Variants in DNAH6 observed in about 807,000 individuals in gnomAD.
The protein encoded by DNAH6 is axonemal beta dynein heavy chain 6.
In DNAH6, 340 loss-of-function variants were observed where a neutral mutation model predicts 491.4. The observed-to-expected ratio is 0.69, with a 90% confidence interval of 0.63 to 0.76. The LOEUF is 0.76. DNAH6 is among the 30% of genes least tolerant of loss of function. The pLI, the probability that DNAH6 is intolerant of heterozygous loss-of-function variation, is 0.00. For missense variants in DNAH6, 4,443 were observed against 4,972.2 expected (o/e 0.89, Z 3.20); for synonymous variants, 1,603 against 1,686.1 (o/e 0.95, Z 1.21).
rs1210744688 is a variant in DNAH6, at chr2:84,611,789, C to A, written c.3410C>A (p.Ser1137Ter). 1 of 1,551,160 alleles carries A rather than the reference C, an allele frequency of 6.4e-7. No homozygotes were observed. The highest frequency in any genetic ancestry group is 2.0e-5 in the Admixed American group (1 of 50,970). ...EAKMFLQVDK[S>*]WKEIMRKVNR... is the part of the protein sequence containing the mutation. ...AAGATGTTCCTTCAGGTGGATAAGT[C>A]ATGGAAAGAAATCATGAGAAAGGTG... is the stretch of plus-strand genomic sequence containing the variant. The change falls in exon 22 of 77, where the codon TCA (serine) becomes TAA (stop). Residue 1137 changes from serine (S) to a stop codon, truncating the protein, a stop_gained. Coordinates refer to ENST00000389394, the MANE Select transcript of DNAH6 (RefSeq NM_001370.2). LOFTEE classifies it high-confidence loss of function.
chr2:84,587,080 A>G (rs1032218283), intron 15 of DNAH6, among the ~76,000 whole-genome samples: 3 of 151,996 alleles, frequency 2.0e-5, no homozygotes, highest in African/African-American at 4.8e-5. Context: ...CCCAATAGAT[A>G]TTTTTTCTGA....
intron 42 of DNAH6, among the ~76,000 whole-genome samples, chr2:84,682,285 G>A (rs1331734180): frequency 1.3e-5 from 2 of 152,238 alleles, no homozygotes; most frequent in Admixed American, 6.5e-5. Context: ...GCCTTCTCCA[G>A]TGGTCCAGGG....
the DNAH6 span, among the ~76,000 whole-genome samples, chr2:84,477,232 A>G: frequency 4.6e-5 from 7 of 152,304 alleles, no homozygotes; most frequent in East Asian, 1.4e-3. Context: ...GGGCAGGCTC[A>G]TGATCTACAG....
At chr2:84,493,225 A>C in the DNAH6 span, among the ~76,000 whole-genome samples, 6 of 152,202 alleles carry the variant, frequency 3.9e-5, no homozygotes, top group Non-Finnish European at 7.4e-5. Flanking sequence ...TGTAGATAAT[A>C]TATGTATACA....
chr2:84,474,164 A>C, the DNAH6 span, among the ~76,000 whole-genome samples: 21 of 152,196 alleles, frequency 1.4e-4, 1 homozygote, highest in Non-Finnish European at 2.8e-4. Context: ...TGGGGAGGGT[A>C]ACCCTGGTTG....
chr2:84,690,945 A>G (rs556776059), intron 45 of DNAH6, among the ~76,000 whole-genome samples: 131 of 152,252 alleles, frequency 8.6e-4, no homozygotes, highest in African/African-American at 2.8e-3. Context: ...ACTCGGGGGG[A>G]AAAATTTGCT....
At chr2:84,626,902 G>A (rs1453547095) in intron 29 of DNAH6, among the ~76,000 whole-genome samples, 4 of 152,130 alleles carry the variant, frequency 2.6e-5, no homozygotes, top group South Asian at 4.1e-4. Context: ...CACCGCGCCC[G>A]GCCAGAACCA....
chr2:84,729,957 G>T (rs1460929122), intron 61 of DNAH6, among the ~76,000 whole-genome samples: 1 of 152,154 alleles, frequency 6.6e-6, no homozygotes. Flanking sequence ...GTGGAAAAAT[G>T]TGCAGTGAGT....
At chr2:84,481,362 G>A in the DNAH6 span, among the ~76,000 whole-genome samples, 2 of 152,100 alleles carry the variant, frequency 1.3e-5, no homozygotes, top group Non-Finnish European at 2.9e-5. Context: ...AGAGAAACAA[G>A]ATAAAATGGT....
the DNAH6 span, among the ~76,000 whole-genome samples, chr2:84,490,686 C>T: frequency 6.6e-6 from 1 of 152,162 alleles, no homozygotes; most frequent in Non-Finnish European, 1.5e-5. Flanking sequence ...CTCATCCTCC[C>T]AAGTATCTGG....
intron 40 of DNAH6, among the ~76,000 whole-genome samples, chr2:84,676,165 A>G (rs1028418648): frequency 2.0e-5 from 3 of 152,232 alleles, no homozygotes; most frequent in Non-Finnish European, 2.9e-5. Flanking sequence ...TCCTTTGCAG[A>G]CATGTATGGA....
In DNAH6 at chr2:84,701,122, T is replaced by C. The variant is rs1411207409; in HGVS notation, c.7844T>C (p.Val2615Ala). Residue 2615 changes from valine (V) to alanine (A), a missense_variant, in exon 49 of 77, where the codon GTG (valine) becomes GCG (alanine). Coordinates refer to ENST00000389394, the MANE Select transcript of DNAH6 (RefSeq NM_001370.2). ...TGGCCCAGAGAAGCACTTCTTTCTGTGTCAAAGACATTTTTCTCACAAGTC... is the reference window on the plus strand; with the variant it reads ...TGGCCCAGAGAAGCACTTCTTTCTGCGTCAAAGACATTTTTCTCACAAGTC... ...VQWPREALLS[V>A]SKTFFSQVDA... 1 of 1,551,720 alleles carries C rather than the reference T, an allele frequency of 6.4e-7. No individual in the cohort carries two copies. Among genetic ancestry groups the C allele is most frequent in the Admixed American group, 2.0e-5 (1 of 51,010 alleles).
chr2:84,684,722 T>C (rs992673693), intron 42 of DNAH6, among the ~76,000 whole-genome samples: 2 of 152,214 alleles, frequency 1.3e-5, no homozygotes, highest in African/African-American at 2.4e-5. Flanking sequence ...GAGCCCCATA[T>C]TGGTGGTCCC....
intron 12 of DNAH6, among the ~76,000 whole-genome samples, chr2:84,576,155 A>T (rs551319691): frequency 3.9e-4 from 60 of 152,326 alleles, no homozygotes; most frequent in Non-Finnish European, 7.4e-4. Context: ...CATACGACTT[A>T]TCAGATCATT....
intron 71 of DNAH6, 46 bp from the exon 72 acceptor site, chr2:84,808,369 A>G (rs1679641019): frequency 6.8e-7 from 1 of 1,464,902 alleles, no homozygotes. Context: ...TATTGTGAGA[A>G]CAAATCAATG....
Position 84,705,487 on chromosome 2 carries a change from C to A in DNAH6, c.8467C>A (p.Pro2823Thr), listed in dbSNP as rs1190645613. ...TAATATATCATGTCTGTCTTTCAGG[C>A]CTGATTGGCCATCAGCAAAGCAACT... is the stretch of plus-strand genomic sequence containing the variant. ...EAISILLNAK[P>T]DWPSAKQLLG... Residue 2823 changes from proline to threonine, a missense_variant and splice_region_variant, in exon 52 of 77, where the codon CCT (proline) becomes ACT (threonine). Pro to Thr is a conservative substitution (Grantham distance 38, BLOSUM62 -1). Coordinates refer to ENST00000389394, the MANE Select transcript of DNAH6 (RefSeq NM_001370.2). The A allele has an allele frequency of 1.3e-6, 2 of 1,543,894 alleles. No homozygotes were observed. Among genetic ancestry groups the A allele is most frequent in the Non-Finnish European group, 1.7e-6 (2 of 1,143,222 alleles).
intron 32 of DNAH6, among the ~76,000 whole-genome samples, chr2:84,641,587 G>T (rs761036753): frequency 6.6e-6 from 1 of 152,138 alleles, no homozygotes; most frequent in Non-Finnish European, 1.5e-5. Flanking sequence ...GCTGGGTTTC[G>T]CAGGGGAAAT....
intron 57 of DNAH6, among the ~76,000 whole-genome samples, chr2:84,714,524 A>C (rs1347830753): frequency 1.3e-5 from 2 of 152,162 alleles, no homozygotes; most frequent in African/African-American, 2.4e-5. Flanking sequence ...TAGACTAAAT[A>C]AGATTTAGTA....
chr2:84,628,117 C>G (rs950724369), intron 29 of DNAH6, among the ~76,000 whole-genome samples: 1 of 152,118 alleles, frequency 6.6e-6, no homozygotes, highest in African/African-American at 2.4e-5. Context: ...TTCAAGTGAT[C>G]ACCCCTAGAT....
Sources: allele counts gnomAD v4.1 joint callset (sites outside exome capture counted in the v4.1 genomes callset), GRCh38; gene constraint gnomAD v4.1.1; transcripts MANE v1.5; gene names NCBI Gene and HGNC (gene_info 2026-07-23, HGNC 2026-07-21).